Variants in RLN1 observed in about 807,000 individuals in gnomAD.
The protein encoded by RLN1 is relaxin 1.
In RLN1, 4 loss-of-function variants were observed where a neutral mutation model predicts 7.2. That is an observed-to-expected ratio of 0.56 (90% confidence interval 0.28 to 1.28). The LOEUF is 1.28. Ranked by LOEUF, RLN1 falls within the 50% of genes most tolerant of loss-of-function variation. RLN1 has a pLI of 0.11. For missense variants in RLN1, 293 were observed against 221.1 expected (o/e 1.32, Z -2.06); for synonymous variants, 105 against 86.0 (o/e 1.22, Z -1.22).
At chr9:5,336,093 G>A (rs1447214398) in intron 1 of RLN1, among the ~76,000 whole-genome samples, 1 of 151,994 alleles carries the variant, frequency 6.6e-6, no homozygotes, top group Admixed American at 6.6e-5. Flanking sequence ...ACTCCTGGAG[G>A]ATAAAGTTAA....
chr9:5,340,261 T>C (rs1223291604), upstream of RLN1, among the ~76,000 whole-genome samples: 1 of 152,160 alleles, frequency 6.6e-6, no homozygotes, highest in Non-Finnish European at 1.5e-5. Context: ...TATCAATCCA[T>C]AAAAATATAA....
rs953672644 is a variant in RLN1 at position 5,339,850 on chromosome 9, C to T, written c.-104G>A. 2.5e-6 allele frequency: 3 copies of T among 1,179,574 alleles called. No individual in the cohort carries two copies. Among genetic ancestry groups the T allele is most frequent in the African/African-American group, 3.1e-5 (2 of 64,066 alleles). 73.1% of individuals were successfully genotyped at this position (1,179,574 alleles called of 1,614,324 possible). A position where few individuals can be genotyped will look rare whatever the true frequency, so the allele number is the denominator to read the frequency against. On this transcript the variant is annotated 5_prime_UTR_variant, in exon 1 of 2. Coordinates refer to ENST00000223862, the MANE Select transcript of RLN1 (RefSeq NM_006911.4). ...CTGTGTGCCTGTCCCGGGCTTTAGG[C>T]TGCTTTCCCTACCCGGCTCAACCAG...
At chr9:5,337,858 G>GAAGT (rs1221954885) in intron 1 of RLN1, among the ~76,000 whole-genome samples, 1 of 151,938 alleles carries the variant, frequency 6.6e-6, no homozygotes, top group South Asian at 2.1e-4. Flanking sequence ...TGTGATTAAT[G>GAAGT]ATTTTCAGCA....
intron 1 of RLN1, 81 bp from the exon 2 acceptor site, chr9:5,335,678 C>A (rs1816875405): frequency 4.8e-6 from 4 of 836,720 alleles, no homozygotes; most frequent in African/African-American, 1.7e-5. Flanking sequence ...TGTTTGCATA[C>A]ACAAAGAAAA....
chr9:5,335,618 G>C (rs1425546976), intron 1 of RLN1, 21 bp from the exon 2 acceptor site: 2 of 1,517,686 alleles, frequency 1.3e-6, no homozygotes, highest in African/African-American at 1.4e-5. Flanking sequence ...TAAAAAAAAA[G>C]TGTATGTGAA....
At position 5,335,048 on chromosome 9, in the gene RLN1, CAA is replaced by C. The variant is rs1229574864; in HGVS notation, c.*201_*202del. ...CACAATTATACTGTTAATAAAAAGA[CAA>C]AAAGACTTCAGCATAGAAAGTGTCA... On this transcript the variant is annotated 3_prime_UTR_variant, in exon 2 of 2. Transcript: ENST00000223862. 20 of 460,342 alleles carry C rather than the reference CAA, an allele frequency of 4.3e-5. No individual in the cohort carries two copies. Among genetic ancestry groups the C allele is most frequent in the Non-Finnish European group, 7.2e-5 (19 of 264,520 alleles). 28.5% of individuals were successfully genotyped at this position (460,342 alleles called of 1,614,324 possible). A position where few individuals can be genotyped will look rare whatever the true frequency, so the allele number is the denominator to read the frequency against.
Position 5,339,827 on chromosome 9 carries a change from G to C in RLN1, c.-81C>G. ...TGCTGTGGCCTACACACCTGGGCCT[G>C]TGTGCCTGTCCCGGGCTTTAGGCTG... On this transcript the variant is annotated 5_prime_UTR_variant, in exon 1 of 2. Coordinates refer to ENST00000223862, the MANE Select transcript of RLN1 (RefSeq NM_006911.4). The C allele has an allele frequency of 7.0e-7, 1 of 1,419,214 alleles. No individual in the cohort carries two copies. Among genetic ancestry groups the C allele is most frequent in the Non-Finnish European group, 9.9e-7 (1 of 1,012,066 alleles). 87.9% of individuals were successfully genotyped at this position (1,419,214 alleles called of 1,614,324 possible). A position where few individuals can be genotyped will look rare whatever the true frequency, so the allele number is the denominator to read the frequency against.
chr9:5,340,409 A>G (rs930511015), upstream of RLN1, among the ~76,000 whole-genome samples: 18 of 152,200 alleles, frequency 1.2e-4, no homozygotes, highest in African/African-American at 4.3e-4. Context: ...CAATTTCTCC[A>G]TTGGACTTTC....
Position 5,337,785 on chromosome 9 carries a change from AT to A in RLN1, c.211+1750del, listed in dbSNP as rs1268550754. On this transcript the variant is annotated intron_variant, in intron 1 of 1. Transcript: ENST00000223862. ...TAGCAATAAAGAAAATTCTTTAAAA[AT>A]ACTTTGAAATCTCATGTCTCTTCTA... Among the ~76,000 whole-genome samples the A allele has an allele frequency of 5.9e-5, 9 of 152,170 alleles. No individual in the cohort carries two copies. In the South Asian group the frequency reaches 1.9e-3, roughly 32 times the overall value.
At chr9:5,339,485 G>C (rs767612157) in intron 1 of RLN1, 51 bp downstream of exon 1, 2 of 1,351,066 alleles carry the variant, frequency 1.5e-6, no homozygotes. Flanking sequence ...GGCCGCCCCA[G>C]AGTAACCAAT....
chr9:5,340,098 A>C (rs1215991156), upstream of RLN1, among the ~76,000 whole-genome samples: 1 of 152,182 alleles, frequency 6.6e-6, no homozygotes, highest in Non-Finnish European at 1.5e-5. Context: ...TTAGATATGA[A>C]GCCTTTCTTT....
At chr9:5,339,491 C>G (rs750510170) in intron 1 of RLN1, 45 bp downstream of exon 1, 1 of 1,395,630 alleles carries the variant, frequency 7.2e-7, no homozygotes, top group South Asian at 1.3e-5. Context: ...CCCAGAGTAA[C>G]CAATGGGAAG....
At chr9:5,335,654 AGAAAAACTGT>A in intron 1 of RLN1, 57 bp from the exon 2 acceptor site, 6 of 1,073,540 alleles carry the variant, frequency 5.6e-6, no homozygotes, top group Non-Finnish European at 8.2e-6. Context: ...AAGAGCATTC[AGAAAAACTGT>A]GAATGTTTGC....
upstream of RLN1, among the ~76,000 whole-genome samples, chr9:5,340,476 A>C (rs1816969111): frequency 6.6e-6 from 1 of 152,204 alleles, no homozygotes; most frequent in Non-Finnish European, 1.5e-5. Context: ...ATTTTAATTT[A>C]AAATTCTAGT....
At chr9:5,336,868 C>A (rs992337392) in intron 1 of RLN1, among the ~76,000 whole-genome samples, 1 of 151,934 alleles carries the variant, frequency 6.6e-6, no homozygotes, top group Non-Finnish European at 1.5e-5. Context: ...GAAACCACGA[C>A]CCTTCACCTA....
At chr9:5,335,642 C>A in intron 1 of RLN1, 45 bp from the exon 2 acceptor site, 2 of 1,177,436 alleles carry the variant, frequency 1.7e-6, no homozygotes, top group East Asian at 2.4e-5. Context: ...GTATTCACGT[C>A]AAAGAGCATT....
At position 5,335,503 on chromosome 9, in the gene RLN1, T is replaced by C. The variant is rs1407616366; in HGVS notation, c.306A>G (p.Leu102=). ...CTGGTAATGATGGTTGCCTCTCAGA[T>C]AGGGCTGCCTTCAGCTCCGGTGGCA... ...ANLPPELKAA[L]SERQPSLPEL... is the part of the protein sequence containing the mutation. The change falls in exon 2 of 2, where the codon CTA becomes CTG. Residue 102 remains leucine, a synonymous_variant. Transcript: ENST00000223862. 5 of 1,613,240 alleles carry C rather than the reference T, an allele frequency of 3.1e-6. No individual in the cohort carries two copies. Among genetic ancestry groups the C allele is most frequent in the East Asian group, 2.2e-5 (1 of 44,856 alleles).
In RLN1 at chr9:5,339,711, G is replaced by T; in HGVS notation, c.36C>A (p.Phe12Leu). ...TGGAAAATTGGTTCAGTAGTAAACA[G>T]AATTCTAGCAGGTGGAACAAGAACA... ...PRLFLFHLLEFCLLLNQFSRA... is the reference protein window; with the variant it reads ...PRLFLFHLLELCLLLNQFSRA... The change falls in exon 1 of 2, where the codon TTC (phenylalanine) becomes TTA (leucine). Residue 12 changes from phenylalanine to leucine, a missense_variant. Phe to Leu is a conservative substitution (Grantham distance 22). Coordinates refer to ENST00000223862, the MANE Select transcript of RLN1 (RefSeq NM_006911.4). 6.2e-7 allele frequency: 1 copy of T among 1,613,370 alleles called. No homozygotes were observed. The highest frequency in any genetic ancestry group is 8.5e-7 in the Non-Finnish European group (1 of 1,180,036).
intron 1 of RLN1, 170 bp downstream of exon 1, chr9:5,339,366 G>A: frequency 3.8e-6 from 2 of 529,936 alleles, no homozygotes; most frequent in South Asian, 4.2e-5. Context: ...AAATCACCTG[G>A]CAAAGGAAAA....
Sources: gnomAD v4.1 joint callset for allele counts (sites outside exome capture counted in the v4.1 genomes callset) on GRCh38, gnomAD v4.1.1 for gene constraint, MANE v1.5 for transcripts, NCBI Gene and HGNC (gene_info 2026-07-23, HGNC 2026-07-21) for gene names.